ARHGAP5: variants seen among roughly 807,000 people sequenced by gnomAD.
ARHGAP5 encodes the protein Rho GTPase activating protein 5, also known as rho GTPase-activating protein 5.
A neutral mutation model predicts 116.6 loss-of-function variants in ARHGAP5; 23 were observed. That is an observed-to-expected ratio of 0.20 (90% CI 0.14 to 0.28). The LOEUF (loss-of-function observed/expected upper bound fraction) is 0.28. Ranked by LOEUF, ARHGAP5 falls within the 10% of genes least tolerant of loss-of-function variation. ARHGAP5 has a pLI of 1.00. For synonymous variants in ARHGAP5, 574 were observed against 602.0 expected, an observed-to-expected ratio of 0.95 and a Z score of 0.68; for missense variants, 1,405 against 1,774.8, an observed-to-expected ratio of 0.79 and a Z score of 3.74.
intron 1 of ARHGAP5, among the ~76,000 whole-genome samples, chr14:32,077,810 TGGC>T (rs2041724706): frequency 6.7e-6 from 1 of 150,066 alleles, no homozygotes; most frequent in Non-Finnish European, 1.5e-5. Flanking sequence ...AGAGGGGAGG[TGGC>T]GGTGTCCGTT....
At chr14:32,108,746 C>T (rs1879141824) in intron 2 of ARHGAP5, among the ~76,000 whole-genome samples, 1 of 151,898 alleles carries the variant, frequency 6.6e-6, no homozygotes. Context: ...GATTTTAGAT[C>T]TCTTCCCTTT....
chr14:32,147,936 T>G (rs1197971457), intron 4 of ARHGAP5, among the ~76,000 whole-genome samples: 1 of 152,208 alleles, frequency 6.6e-6, no homozygotes, highest in Non-Finnish European at 1.5e-5. Context: ...GCGAATTGCC[T>G]GAGCTCAGGA....
At chr14:32,115,879 C>T (rs556585275) in intron 2 of ARHGAP5, among the ~76,000 whole-genome samples, 155 of 151,592 alleles carry the variant, frequency 1.0e-3, no homozygotes, top group African/African-American at 3.7e-3. Flanking sequence ...CCTGTAGTCC[C>T]AGCTACTTGG....
rs1281538410 is a variant in ARHGAP5 at position 32,154,666 on chromosome 14, A to G, written c.4227A>G (p.Leu1409=). 2 of 1,614,012 alleles carry G rather than the reference A, an allele frequency of 1.2e-6. No homozygotes were observed. The highest frequency in any genetic ancestry group is 1.3e-5 in the African/African-American group (1 of 75,050). The change falls in exon 7 of 7, where the codon TTA becomes TTG. Residue 1409 remains leucine (L), a synonymous_variant. Coordinates refer to ENST00000345122, the MANE Select transcript of ARHGAP5 (RefSeq NM_001030055.2). ...TCAACCTAATGACAGCAGACAACTTATCCATCTGTTTTTGGCCAACCTTGA... is the reference window on the plus strand; with the variant it reads ...TCAACCTAATGACAGCAGACAACTTGTCCATCTGTTTTTGGCCAACCTTGA... ...HKINLMTADN[L]SICFWPTLMR... is the part of the protein sequence containing the mutation.
chr14:32,085,006 A>T (rs1022146768), intron 1 of ARHGAP5, among the ~76,000 whole-genome samples: 3 of 151,066 alleles, frequency 2.0e-5, no homozygotes, highest in Non-Finnish European at 3.0e-5. Flanking sequence ...CACCCTATTT[A>T]AAAAAAAAGA....
chr14:32,138,587 T>C (rs1020435115), intron 3 of ARHGAP5, among the ~76,000 whole-genome samples: 17 of 152,150 alleles, frequency 1.1e-4, no homozygotes, highest in Admixed American at 3.3e-4. Flanking sequence ...CCTGGCCAAC[T>C]CTTACTAGTA....
Position 32,152,456 on chromosome 14 carries a change from T to C in ARHGAP5, c.4109T>C (p.Leu1370Ser). 1 of 1,607,820 alleles carries C rather than the reference T, an allele frequency of 6.2e-7. No individual in the cohort carries two copies. Among genetic ancestry groups the C allele is most frequent in the Admixed American group, 1.7e-5 (1 of 58,736 alleles). Residue 1370 changes from leucine to serine, a missense_variant, in exon 6 of 7, where the codon TTG becomes TCG. Leu to Ser is a moderately radical substitution (Grantham distance 145). Transcript: ENST00000345122. ...GATAAAACAGAACGTCTTCATGCCTTGAAAGAAATTGTTAAGAAATTTCAT... is the reference window on the plus strand; with the variant it reads ...GATAAAACAGAACGTCTTCATGCCTCGAAAGAAATTGTTAAGAAATTTCAT... ...IPDKTERLHA[L>S]KEIVKKFHPV...
intron 2 of ARHGAP5, among the ~76,000 whole-genome samples, chr14:32,107,310 G>A (rs972751954): frequency 2.6e-5 from 4 of 152,158 alleles, no homozygotes; most frequent in East Asian, 3.8e-4. Context: ...ATCCTGATTA[G>A]GTTAGGATGC....
intron 3 of ARHGAP5, among the ~76,000 whole-genome samples, chr14:32,139,102 A>T (rs777571740): frequency 6.6e-6 from 1 of 152,136 alleles, no homozygotes; most frequent in Non-Finnish European, 1.5e-5. Flanking sequence ...TATTCTTAAT[A>T]TTCAATTAAT....
chr14:32,149,530 G>A (rs1339500411), intron 4 of ARHGAP5, among the ~76,000 whole-genome samples: 1 of 152,046 alleles, frequency 6.6e-6, no homozygotes, highest in African/African-American at 2.4e-5. Flanking sequence ...AGCACTTTGG[G>A]AGGCTGAGGC....
chr14:32,114,308 T>C (rs1439817918), intron 2 of ARHGAP5, among the ~76,000 whole-genome samples: 1 of 152,224 alleles, frequency 6.6e-6, no homozygotes, highest in Non-Finnish European at 1.5e-5. Context: ...GCTTCAGTTT[T>C]CATTTTTCTA....
At position 32,093,464 on chromosome 14, in the gene ARHGAP5, C is replaced by T; in HGVS notation, c.2795C>T (p.Thr932Ile). ...TATCATCGGCAAACTGAGGTCTTTA[C>T]TCTGTTTTTTAGTGATGTTCTAGAG... ...SQYHRQTEVF[T>I]LFFSDVLEKK... The change falls in exon 2 of 7, where the codon ACT becomes ATT. Residue 932 changes from threonine (T) to isoleucine (I), a missense_variant. Thr to Ile is a moderately conservative substitution (Grantham distance 89). This residue lies in a region of ARHGAP5 where 944 missense variants were observed against 1,095.3 expected (regional missense o/e 0.86). Coordinates refer to ENST00000345122, the MANE Select transcript of ARHGAP5 (RefSeq NM_001030055.2). 6.2e-7 allele frequency: 1 copy of T among 1,613,096 alleles called. No homozygotes were observed. Among genetic ancestry groups the T allele is most frequent in the Non-Finnish European group, 8.5e-7 (1 of 1,179,712 alleles).
intron 3 of ARHGAP5, among the ~76,000 whole-genome samples, chr14:32,143,338 G>T (rs1470638535): frequency 6.6e-6 from 1 of 151,960 alleles, no homozygotes; most frequent in Non-Finnish European, 1.5e-5. Flanking sequence ...CGCCTCCCAG[G>T]TTCAAGCAAT....
Position 32,148,163 on chromosome 14 carries a change from AATCTATCTATCTATCT to A in ARHGAP5, c.3944-1704_3944-1689del, listed in dbSNP as rs71441707. On this transcript the variant is annotated intron_variant, in intron 4 of 6. Coordinates refer to ENST00000345122, the MANE Select transcript of ARHGAP5 (RefSeq NM_001030055.2). The stretch of plus-strand genomic sequence containing the variant: ...GCGAGACTGCATCTCAAAAAAAAGA[AATCTATCTATCTATCT>A]ATCTATCTATCTATCTATCTATCTA... Among the ~76,000 whole-genome samples the A allele has an allele frequency of 8.4e-3, 1,233 of 147,548 alleles. 11 individuals are homozygous for A. Among genetic ancestry groups the A allele is most frequent in the African/African-American group, 0.023 (907 of 39,744 alleles).
Position 32,091,654 on chromosome 14 carries a change from G to T in ARHGAP5, c.985G>T (p.Glu329Ter). Residue 329 changes from glutamate to a stop codon, truncating the protein, a stop_gained, in exon 2 of 7, where the codon GAA becomes TAA. Transcript: ENST00000345122. LOFTEE classifies it high-confidence loss of function. Reference sequence around the variant, plus strand: ...AAAACATATAGAACAACTTAAACAGGAACATATAAGAAAAAGGAGAGAAGA... The same window carrying T: ...AAAACATATAGAACAACTTAAACAGTAACATATAAGAAAAAGGAGAGAAGA... ...FSKHIEQLKQ[E>*]HIRKRREEYI... is the part of the protein sequence containing the mutation. The T allele has an allele frequency of 6.2e-7, 1 of 1,610,352 alleles. No individual in the cohort carries two copies. The highest frequency in any genetic ancestry group is 1.1e-5 in the South Asian group (1 of 90,154).
intron 3 of ARHGAP5, among the ~76,000 whole-genome samples, chr14:32,137,859 C>T (rs1376014329): frequency 6.6e-6 from 1 of 151,636 alleles, no homozygotes; most frequent in African/African-American, 2.4e-5. Context: ...GTAATCCCAG[C>T]TACTCAGGAG....
intron 3 of ARHGAP5, among the ~76,000 whole-genome samples, chr14:32,144,470 T>TTATTTA (rs1432238931): frequency 1.3e-5 from 2 of 151,764 alleles, no homozygotes; most frequent in Non-Finnish European, 1.5e-5. Flanking sequence ...TTCTATTCAT[T>TTATTTA]TATTTATATT....
At position 32,123,695 on chromosome 14, in the gene ARHGAP5, C is replaced by T. The variant is rs373882737; in HGVS notation, c.3865+6408C>T. On this transcript the variant is annotated intron_variant, in intron 3 of 6. Transcript: ENST00000345122. Reference sequence around the variant, plus strand: ...TTCTTTAAAGAATGTTAGATTTGCTCGGTGCTTCTCCTTGGCTGGTGGAGA... The same window carrying T: ...TTCTTTAAAGAATGTTAGATTTGCTTGGTGCTTCTCCTTGGCTGGTGGAGA... Among the ~76,000 whole-genome samples, 338 of 151,962 alleles carry T rather than the reference C, an allele frequency of 2.2e-3. 1 individual carries two copies. Among genetic ancestry groups the T allele is most frequent in the African/African-American group, 7.7e-3 (319 of 41,466 alleles).
intron 5 of ARHGAP5, among the ~76,000 whole-genome samples, chr14:32,152,062 C>A (rs1881659422): frequency 1.3e-5 from 2 of 152,202 alleles, no homozygotes; most frequent in Admixed American, 6.5e-5. Context: ...GCTCCACCTT[C>A]TGTCAGATTA....
Sources: gnomAD v4.1 joint callset for allele counts (sites outside exome capture counted in the v4.1 genomes callset) on GRCh38, gnomAD v4.1.1 for gene constraint, gnomAD v4.1.1 regional missense constraint, MANE v1.5 for transcripts, NCBI Gene and HGNC (gene_info 2026-07-23, HGNC 2026-07-21) for gene names.